The following MARCHF1 variants were observed in gnomAD, a reference collection of about 807,000 sequenced individuals.
MARCHF1 encodes membrane associated ring-CH-type finger 1, also known as E3 ubiquitin-protein ligase MARCHF1.
In MARCHF1, 40 loss-of-function variants were observed where a neutral mutation model predicts 54.2. The observed-to-expected ratio is 0.74, with a 90% CI of 0.57 to 0.96. MARCHF1 has a LOEUF of 0.96. Among genes scored for constraint, MARCHF1 ranks in the 40% least tolerant of loss-of-function variants. The pLI is 0.00. For missense variants in MARCHF1, 586 were observed against 656.5 expected (o/e 0.89, Z 1.17); for synonymous variants, 236 against 236.3 (o/e 1.00, Z 0.01).
intron 1 of MARCHF1, among the ~76,000 whole-genome samples, chr4:164,113,617 A>G (rs1755880709): frequency 6.6e-6 from 1 of 151,970 alleles, no homozygotes; most frequent in Admixed American, 6.6e-5. Flanking sequence ...TGTATGAATG[A>G]CTTAGGTGAA....
chr4:163,856,080 C>G (rs1749760989), intron 3 of MARCHF1, among the ~76,000 whole-genome samples: 1 of 152,136 alleles, frequency 6.6e-6, no homozygotes, highest in Admixed American at 6.5e-5. Flanking sequence ...ACTGCCTGCT[C>G]CCCCTAATCA....
intron 2 of MARCHF1, among the ~76,000 whole-genome samples, chr4:164,016,066 T>C (rs1753534952): frequency 6.6e-6 from 1 of 152,160 alleles, no homozygotes; most frequent in African/African-American, 2.4e-5. Context: ...TCAGTATCCA[T>C]TAATGGATGA....
At chr4:164,291,836 T>C (rs969707330) in intron 1 of MARCHF1, among the ~76,000 whole-genome samples, 1 of 152,070 alleles carries the variant, frequency 6.6e-6, no homozygotes, top group African/African-American at 2.4e-5. Context: ...GGAAGCATCA[T>C]TATGTGGGCC....
chr4:163,845,776 A>T (rs1012450252), intron 4 of MARCHF1, among the ~76,000 whole-genome samples: 2 of 152,172 alleles, frequency 1.3e-5, no homozygotes, highest in Non-Finnish European at 2.9e-5. Context: ...GCATTTTTAG[A>T]TCAATTATTA....
At chr4:163,793,550 A>C (rs936751202) in intron 4 of MARCHF1, among the ~76,000 whole-genome samples, 6 of 152,082 alleles carry the variant, frequency 3.9e-5, no homozygotes, top group African/African-American at 1.4e-4. Flanking sequence ...CTAAGGGAGG[A>C]GACCACCCCT....
At chr4:164,029,422 C>T (rs1234637993) in intron 2 of MARCHF1, among the ~76,000 whole-genome samples, 1 of 151,940 alleles carries the variant, frequency 6.6e-6, no homozygotes, top group East Asian at 1.9e-4. Flanking sequence ...GAAATCTGCC[C>T]CCATGATCCA....
chr4:163,793,045 C>T (rs779332972), intron 4 of MARCHF1, among the ~76,000 whole-genome samples: 4 of 152,196 alleles, frequency 2.6e-5, no homozygotes, highest in East Asian at 1.9e-4. Context: ...AACTTAACTC[C>T]GTGTCTGACA....
chr4:164,158,557 C>A (rs1273460215), intron 1 of MARCHF1, among the ~76,000 whole-genome samples: 1 of 152,156 alleles, frequency 6.6e-6, no homozygotes, highest in African/African-American at 2.4e-5. Flanking sequence ...AGGCAAATCA[C>A]TTGAACCAGG....
At chr4:164,072,708 A>T (rs1754894671) in intron 2 of MARCHF1, among the ~76,000 whole-genome samples, 2 of 21,096 alleles carry the variant, frequency 9.5e-5, no homozygotes, top group Non-Finnish European at 2.5e-4. Flanking sequence ...CTCTAGTAAA[A>T]AAAAAAAAAA....
intron 3 of MARCHF1, among the ~76,000 whole-genome samples, chr4:163,894,263 C>T (rs1750726571): frequency 1.3e-5 from 2 of 152,006 alleles, no homozygotes; most frequent in Admixed American, 1.3e-4. Flanking sequence ...TTACAGCATC[C>T]TGATTTAAGC....
intron 1 of MARCHF1, among the ~76,000 whole-genome samples, chr4:164,300,003 A>T (rs77118179): frequency 0.016 from 2,417 of 152,312 alleles, 31 homozygotes; most frequent in Non-Finnish European, 0.029. Context: ...AGAAAATTAC[A>T]TGAATCAAAC....
Position 164,104,969 on chromosome 4 carries a change from C to T in MARCHF1, c.-248+6619G>A, listed in dbSNP as rs796617228. On this transcript the variant is annotated intron_variant, in intron 2 of 9. Coordinates refer to ENST00000514618, the MANE Select transcript of MARCHF1 (RefSeq NM_001394959.1). Reference sequence around the variant, plus strand: ...AATCACAAGCATTCTTATACACCAACAACAGACAAACAGAGAGCCAAATCA... The same window carrying T: ...AATCACAAGCATTCTTATACACCAATAACAGACAAACAGAGAGCCAAATCA... Among the ~76,000 whole-genome samples the T allele has an allele frequency of 7.2e-5, 4 of 55,808 alleles. 1 individual carries two copies. In the East Asian group the frequency reaches 1.1e-3, roughly 16 times the overall value. The allele number at this position is 55,808 out of a possible 152,430, so 36.6% of individuals were successfully genotyped here. A position where few individuals can be genotyped will look rare whatever the true frequency, so the allele number is the denominator to read the frequency against.
At chr4:163,816,951 G>A (rs1196254754) in intron 4 of MARCHF1, among the ~76,000 whole-genome samples, 3 of 151,914 alleles carry the variant, frequency 2.0e-5, no homozygotes, top group African/African-American at 7.3e-5. Flanking sequence ...AGGAAAATGA[G>A]GTTCAACCTA....
At chr4:163,886,519 C>T (rs775413006) in intron 3 of MARCHF1, among the ~76,000 whole-genome samples, 7 of 151,770 alleles carry the variant, frequency 4.6e-5, no homozygotes, top group Non-Finnish European at 1.0e-4. Context: ...CAACAAAAAA[C>T]AGTTACTAAA....
intron 1 of MARCHF1, among the ~76,000 whole-genome samples, chr4:164,245,655 A>C (rs1489435952): frequency 6.6e-6 from 1 of 151,988 alleles, no homozygotes; most frequent in Non-Finnish European, 1.5e-5. Flanking sequence ...AGAGGAAGTC[A>C]AATTGTCCCT....
chr4:163,985,921 C>T (rs1229687607), intron 3 of MARCHF1, among the ~76,000 whole-genome samples: 1 of 152,172 alleles, frequency 6.6e-6, no homozygotes, highest in Admixed American at 6.5e-5. Context: ...TAGAAAGCAT[C>T]GCCACTTGAA....
intron 5 of MARCHF1, among the ~76,000 whole-genome samples, chr4:163,682,450 C>T (rs1744134917): frequency 6.6e-6 from 1 of 152,192 alleles, no homozygotes; most frequent in African/African-American, 2.4e-5. Context: ...CCTCCCATCA[C>T]AGGCCTAGAG....
chr4:163,559,148 T>C (rs1739388794), intron 8 of MARCHF1, among the ~76,000 whole-genome samples: 1 of 152,310 alleles, frequency 6.6e-6, no homozygotes, highest in East Asian at 1.9e-4. Flanking sequence ...TTTTATACAA[T>C]AGCTTATTTT....
intron 8 of MARCHF1, among the ~76,000 whole-genome samples, chr4:163,549,448 G>A (rs1011778873): frequency 5.9e-5 from 9 of 152,050 alleles, no homozygotes; most frequent in African/African-American, 4.8e-5. Flanking sequence ...AGGAACGCAC[G>A]ACAGCACATA....
Sources: allele counts gnomAD v4.1 joint callset (sites outside exome capture counted in the v4.1 genomes callset), GRCh38; gene constraint gnomAD v4.1.1; transcripts MANE v1.5; gene names NCBI Gene and HGNC (gene_info 2026-07-23, HGNC 2026-07-21).